CDH13: variants seen among roughly 807,000 people sequenced by gnomAD.
The protein encoded by CDH13 is cadherin-13.
A neutral mutation model predicts 63.8 loss-of-function variants in CDH13; 24 were observed. The ratio of observed to expected loss-of-function variants is 0.38; its 90% CI spans 0.27 to 0.53. CDH13 has a LOEUF of 0.53. Ranked by LOEUF, CDH13 falls within the 20% of genes least tolerant of loss-of-function variation. The probability of loss-of-function intolerance (pLI) is 0.85; values close to 1 mark genes in which losing one functional copy is unlikely to be tolerated. For synonymous variants in CDH13, 503 were observed against 355.3 expected (o/e 1.42, Z -4.67); for missense variants, 1,049 against 903.1 (o/e 1.16, Z -2.07).
chr16:83,179,445 A>G (rs2038256578), intron 4 of CDH13, among the ~76,000 whole-genome samples: 1 of 144,846 alleles, frequency 6.9e-6, no homozygotes, highest in Non-Finnish European at 1.5e-5. Flanking sequence ...GGAGATGGAG[A>G]CCATCCTGGC....
intron 3 of CDH13, among the ~76,000 whole-genome samples, chr16:83,071,081 A>G (rs947505794): frequency 1.8e-4 from 27 of 152,160 alleles, no homozygotes; most frequent in Non-Finnish European, 3.2e-4. Context: ...ATGAGACACC[A>G]TGCCTCTTAC....
Position 83,174,253 on chromosome 16 carries a change from A to C in CDH13, c.484-43092A>C, listed in dbSNP as rs536244002. 1.1e-4 allele frequency among the ~76,000 whole-genome samples: 16 copies of C among 152,218 alleles called. No homozygotes were observed. The East Asian group carries it at 2.9e-3, about 28-fold the overall frequency. On this transcript the variant is annotated intron_variant, in intron 4 of 13. Transcript: ENST00000567109. ...TCTTGAACCCTGAATTCTATCATCA[A>C]TCTCACTTTACAATCCATCCCTTCC...
chr16:83,426,815 C>T (rs986816646), intron 6 of CDH13, among the ~76,000 whole-genome samples: 18 of 151,420 alleles, frequency 1.2e-4, no homozygotes, highest in African/African-American at 3.9e-4. Context: ...CTCTTTTCTC[C>T]TCTCTTGCTG....
At chr16:83,537,189 A>C (rs1396600526) in intron 7 of CDH13, among the ~76,000 whole-genome samples, 2 of 152,228 alleles carry the variant, frequency 1.3e-5, no homozygotes, top group Admixed American at 1.3e-4. Context: ...GCCCAGCAGG[A>C]TGCTCTATCT....
chr16:83,761,864 C>T (rs946974661), intron 11 of CDH13, among the ~76,000 whole-genome samples: 1 of 152,000 alleles, frequency 6.6e-6, no homozygotes, highest in African/African-American at 2.4e-5. Context: ...GTCAGTAGTT[C>T]GATACCAGCC....
At chr16:83,612,267 A>C (rs941380350) in intron 8 of CDH13, among the ~76,000 whole-genome samples, 1 of 151,994 alleles carries the variant, frequency 6.6e-6, no homozygotes, top group Non-Finnish European at 1.5e-5. Context: ...GTACCTCTCT[A>C]TCTCTGCAAA....
At chr16:83,783,232 A>C in intron 12 of CDH13, 22 bp from the exon 13 acceptor site, 1 of 1,572,394 alleles carries the variant, frequency 6.4e-7, no homozygotes, top group African/African-American at 1.3e-5. Flanking sequence ...CACTCTCACC[A>C]GAACCCTCCT....
At chr16:83,420,023 G>A (rs376719135) in intron 6 of CDH13, among the ~76,000 whole-genome samples, 3 of 151,878 alleles carry the variant, frequency 2.0e-5, no homozygotes, top group African/African-American at 4.8e-5. Context: ...TTGGGAGGCA[G>A]ATTAGCTAGG....
chr16:83,246,999 C>T (rs908437614), intron 5 of CDH13, among the ~76,000 whole-genome samples: 1 of 152,140 alleles, frequency 6.6e-6, no homozygotes, highest in Admixed American at 6.5e-5. Context: ...GGGTAGATGC[C>T]TGGCATGAAC....
intron 1 of CDH13, among the ~76,000 whole-genome samples, chr16:82,816,045 G>T (rs1044651288): frequency 1.1e-4 from 16 of 152,118 alleles, no homozygotes; most frequent in African/African-American, 2.9e-4. Flanking sequence ...ATACATTGTT[G>T]TCAGAAACAG....
intron 2 of CDH13, among the ~76,000 whole-genome samples, chr16:82,999,561 C>G (rs1912636437): frequency 6.6e-6 from 1 of 152,042 alleles, no homozygotes; most frequent in Admixed American, 6.5e-5. Context: ...TGAATTTTTT[C>G]TTATCTTATG....
At chr16:82,649,946 G>A (rs571985921) in intron 1 of CDH13, among the ~76,000 whole-genome samples, 131 of 152,232 alleles carry the variant, frequency 8.6e-4, no homozygotes, top group Middle Eastern at 3.4e-3. Flanking sequence ...GACAGTGCCC[G>A]GTGTGCTGTA....
At position 83,344,981 on chromosome 16, in the gene CDH13, C is replaced by A. The variant is rs757067208; in HGVS notation, c.756C>A (p.Gly252=). 6.8e-6 allele frequency: 11 copies of A among 1,613,950 alleles called. No homozygotes were observed. The highest frequency in any genetic ancestry group is 9.3e-6 in the Non-Finnish European group (11 of 1,179,844). The change falls in exon 6 of 14, where the codon GGC becomes GGA. Residue 252 remains glycine (G), a synonymous_variant. Transcript: ENST00000567109. ...TCTTTCGGGAAGGCCCCTACATCGG[C>A]CACGTCATGGAAGGGTCACCCACAG... ...RPIFREGPYI[G]HVMEGSPTGT...
At chr16:83,350,815 G>A (rs1199958371) in intron 6 of CDH13, among the ~76,000 whole-genome samples, 1 of 152,208 alleles carries the variant, frequency 6.6e-6, no homozygotes, top group East Asian at 1.9e-4. Context: ...AAGAGATGAT[G>A]TAGGGAGTTT....
At position 83,217,453 on chromosome 16, in the gene CDH13, T is replaced by C; in HGVS notation, c.592T>C (p.Ser198Pro). ...AATCAATGAGAACACAGGGAGCGTC[T>C]CCGTGACACGGACCTTGGACAGAGA... is the stretch of plus-strand genomic sequence containing the variant. ...FRINENTGSV[S>P]VTRTLDREVI... Residue 198 changes from serine to proline, a missense_variant, in exon 5 of 14, where the codon TCC becomes CCC. Physicochemically the swap from Ser to Pro is moderately conservative, Grantham distance 74. Transcript: ENST00000567109. 6.2e-7 allele frequency: 1 copy of C among 1,613,908 alleles called. No individual in the cohort carries two copies. Among genetic ancestry groups the C allele is most frequent in the Non-Finnish European group, 8.5e-7 (1 of 1,179,808 alleles).
intron 4 of CDH13, among the ~76,000 whole-genome samples, chr16:83,138,658 C>A (rs1253867302): frequency 6.6e-6 from 1 of 152,114 alleles, no homozygotes; most frequent in Non-Finnish European, 1.5e-5. Context: ...GGAATTTGGA[C>A]CTTTTTCTAC....
intron 9 of CDH13, among the ~76,000 whole-genome samples, chr16:83,671,255 C>G (rs1013770749): frequency 2.6e-5 from 4 of 152,006 alleles, no homozygotes; most frequent in Non-Finnish European, 5.9e-5. Flanking sequence ...ATTTTGTTTT[C>G]ATTTTTGTTT....
intron 7 of CDH13, among the ~76,000 whole-genome samples, chr16:83,578,926 A>G (rs1291437603): frequency 6.6e-6 from 1 of 152,226 alleles, no homozygotes; most frequent in East Asian, 1.9e-4. Context: ...CTAAAGTCCT[A>G]TGTGCAGGTA....
At chr16:82,848,889 G>T (rs1177490754) in intron 1 of CDH13, among the ~76,000 whole-genome samples, 3 of 152,172 alleles carry the variant, frequency 2.0e-5, no homozygotes, top group Non-Finnish European at 4.4e-5. Flanking sequence ...CTGAAAGCTA[G>T]GTTTCTTGTG....
Sources: gnomAD v4.1 joint callset for allele counts (sites outside exome capture counted in the v4.1 genomes callset) on GRCh38, gnomAD v4.1.1 for gene constraint, MANE v1.5 for transcripts, NCBI Gene and HGNC (gene_info 2026-07-23, HGNC 2026-07-21) for gene names.